GALNT17: variants seen among roughly 807,000 people sequenced by gnomAD.
GALNT17 encodes polypeptide N-acetylgalactosaminyltransferase 17, also known as UDP-GalNAc:polypeptide N-acetylgalactosaminyltransferase-like 3.
GALNT17 carries 29 observed loss-of-function variants against 63.7 expected under a neutral mutation model. The observed-to-expected ratio is 0.46, with a 90% CI of 0.34 to 0.62. The LOEUF (loss-of-function observed/expected upper bound fraction) is 0.62, where lower values mean the gene tolerates loss of function less well. Among genes scored for constraint, GALNT17 ranks in the 20% least tolerant of loss-of-function variants. The probability of loss-of-function intolerance (pLI) is 0.01; values close to 1 mark genes in which losing one functional copy is unlikely to be tolerated. For synonymous variants in GALNT17, 305 were observed against 318.3 expected, an observed-to-expected ratio of 0.96 and a Z score of 0.45; for missense variants, 603 against 799.6, an observed-to-expected ratio of 0.75 and a Z score of 2.97.
intron 2 of GALNT17, among the ~76,000 whole-genome samples, chr7:71,348,389 T>C (rs1000747539): frequency 2.0e-5 from 3 of 152,252 alleles, no homozygotes; most frequent in Non-Finnish European, 4.4e-5. Context: ...TTCTTGGAAC[T>C]TGAAAGTATT....
chr7:71,321,789 C>T (rs1425176044), intron 1 of GALNT17, among the ~76,000 whole-genome samples: 1 of 151,778 alleles, frequency 6.6e-6, no homozygotes, highest in African/African-American at 2.4e-5. Flanking sequence ...ACCTTGGCCC[C>T]CCAAAATGCT....
intron 3 of GALNT17, among the ~76,000 whole-genome samples, chr7:71,408,074 AT>A (rs1793361272): frequency 6.6e-6 from 1 of 152,154 alleles, no homozygotes; most frequent in Admixed American, 6.5e-5. Context: ...GGTAAAAACA[AT>A]GAAAAAAGTG....
At chr7:71,613,521 T>C (rs1790155862) in intron 6 of GALNT17, among the ~76,000 whole-genome samples, 1 of 152,170 alleles carries the variant, frequency 6.6e-6, no homozygotes, top group Admixed American at 6.5e-5. Flanking sequence ...TTTCCATGAG[T>C]AGCCTCTGCT....
intron 1 of GALNT17, among the ~76,000 whole-genome samples, chr7:71,199,708 T>TCCAC (rs1361896507): frequency 2.3e-4 from 27 of 119,526 alleles, no homozygotes; most frequent in African/African-American, 1.0e-3. Context: ...CATCCATCCA[T>TCCAC]CCATGTATGT....
chr7:71,460,853 T>C (rs1787440317), intron 5 of GALNT17, among the ~76,000 whole-genome samples: 2 of 152,184 alleles, frequency 1.3e-5, no homozygotes, highest in African/African-American at 2.4e-5. Context: ...GCAGTGAGGA[T>C]GACCAGAGGT....
At chr7:71,228,023 G>A (rs987564484) in intron 1 of GALNT17, among the ~76,000 whole-genome samples, 2 of 152,134 alleles carry the variant, frequency 1.3e-5, no homozygotes, top group Non-Finnish European at 1.5e-5. Context: ...GGAGACAGTG[G>A]CCTGAGAGGA....
Position 71,589,818 on chromosome 7 carries a change from A to G in GALNT17, c.1080+18416A>G, listed in dbSNP as rs1266700665. Reference sequence around the variant, plus strand: ...CCCAAATCTACATAATTTGAGTTCTATGAGGCTTGCGACCTCTTGCTTGGA... The same window carrying G: ...CCCAAATCTACATAATTTGAGTTCTGTGAGGCTTGCGACCTCTTGCTTGGA... On this transcript the variant is annotated intron_variant, in intron 6 of 10. Coordinates refer to ENST00000333538, the MANE Select transcript of GALNT17 (RefSeq NM_022479.3). 2.6e-5 allele frequency among the ~76,000 whole-genome samples: 4 copies of G among 152,350 alleles called. No individual in the cohort carries two copies. The East Asian group carries it at 5.8e-4, about 22-fold the overall frequency.
At chr7:71,525,268 C>T (rs144857896) in intron 5 of GALNT17, among the ~76,000 whole-genome samples, 58 of 152,224 alleles carry the variant, frequency 3.8e-4, no homozygotes, top group African/African-American at 1.2e-3. Flanking sequence ...CTCCGCCTCC[C>T]GGGTTCAAGT....
At chr7:71,414,995 A>G (rs539114226) in intron 3 of GALNT17, among the ~76,000 whole-genome samples, 1 of 150,094 alleles carries the variant, frequency 6.7e-6, no homozygotes, top group Non-Finnish European at 1.5e-5. Flanking sequence ...TTTTTTTTTT[A>G]AATGCCTTTA....
At chr7:71,651,539 T>G (rs1790755236) in intron 6 of GALNT17, among the ~76,000 whole-genome samples, 1 of 152,076 alleles carries the variant, frequency 6.6e-6, no homozygotes, top group Non-Finnish European at 1.5e-5. Context: ...CTTGACCTCA[T>G]GATCCACCTG....
At chr7:71,522,348 G>C (rs962165831) in intron 5 of GALNT17, among the ~76,000 whole-genome samples, 5 of 152,166 alleles carry the variant, frequency 3.3e-5, no homozygotes, top group African/African-American at 1.2e-4. Context: ...TACTGATAAA[G>C]ACATACCGAA....
At chr7:71,420,753 G>A (rs527890347) in intron 4 of GALNT17, among the ~76,000 whole-genome samples, 155 bp from the exon 5 acceptor site, 274 of 152,294 alleles carry the variant, frequency 1.8e-3, no homozygotes, top group African/African-American at 5.9e-3. Flanking sequence ...AGGATCCAGC[G>A]TGGGCAGGTC....
intron 3 of GALNT17, among the ~76,000 whole-genome samples, chr7:71,393,223 T>C (rs984504431): frequency 2.0e-5 from 3 of 151,858 alleles, no homozygotes; most frequent in African/African-American, 7.3e-5. Flanking sequence ...GCATACTCTG[T>C]TTTTTTTGCC....
At chr7:71,385,845 T>A (rs1792933506) in intron 2 of GALNT17, among the ~76,000 whole-genome samples, 1 of 152,162 alleles carries the variant, frequency 6.6e-6, no homozygotes, top group Non-Finnish European at 1.5e-5. Flanking sequence ...GGTGCGCAGA[T>A]CGCTTGAGGT....
intron 1 of GALNT17, among the ~76,000 whole-genome samples, chr7:71,171,537 G>T (rs935301214): frequency 6.6e-6 from 1 of 152,050 alleles, no homozygotes; most frequent in Non-Finnish European, 1.5e-5. Context: ...AATATGAAAC[G>T]TAAAACAAAT....
intron 1 of GALNT17, among the ~76,000 whole-genome samples, chr7:71,280,203 G>A (rs1302090926): frequency 1.3e-5 from 2 of 152,150 alleles, no homozygotes; most frequent in African/African-American, 4.8e-5. Flanking sequence ...AGGATAATGA[G>A]ATGGGCACAA....
intron 2 of GALNT17, among the ~76,000 whole-genome samples, chr7:71,384,112 TTTTTG>T (rs1246490397): frequency 2.0e-5 from 3 of 152,136 alleles, no homozygotes; most frequent in Admixed American, 6.5e-5. Flanking sequence ...TATTTTCAGG[TTTTTG>T]TTTTGTTTTG....
At chr7:71,528,322 G>T (rs1302891649) in intron 5 of GALNT17, among the ~76,000 whole-genome samples, 1 of 152,124 alleles carries the variant, frequency 6.6e-6, no homozygotes, top group African/African-American at 2.4e-5. Context: ...ATTAGATATG[G>T]CCAGGGCTCC....
At chr7:71,401,850 C>T (rs1008913630) in intron 3 of GALNT17, among the ~76,000 whole-genome samples, 47 of 152,130 alleles carry the variant, frequency 3.1e-4, no homozygotes, top group African/African-American at 8.9e-4. Flanking sequence ...CTATGTATTA[C>T]AATGTAATAA....
Sources: allele counts gnomAD v4.1 joint callset (sites outside exome capture counted in the v4.1 genomes callset), GRCh38; gene constraint gnomAD v4.1.1; transcripts MANE v1.5; gene names NCBI Gene and HGNC (gene_info 2026-07-23, HGNC 2026-07-21).